The following ASAP2 variants were observed in gnomAD, a reference collection of about 807,000 sequenced individuals.
ASAP2 encodes ArfGAP with SH3 domain, ankyrin repeat and PH domain 2, also known as arf-GAP with SH3 domain, ANK repeat and PH domain-containing protein 2.
A neutral mutation model predicts 131.4 loss-of-function variants in ASAP2; 45 were observed. The observed-to-expected ratio is 0.34, with a 90% CI of 0.27 to 0.44. The LOEUF is 0.44. ASAP2 is among the 20% of genes least tolerant of loss of function. The pLI, the probability that ASAP2 is intolerant of heterozygous loss-of-function variation, is 1.00. For synonymous variants in ASAP2, 510 were observed against 503.0 expected (o/e 1.01, Z -0.19); for missense variants, 1,011 against 1,297.0 (o/e 0.78, Z 3.39).
At chr2:9,380,897 C>T (rs779377826) in intron 20 of ASAP2, 89 bp downstream of exon 20, 12 of 1,366,086 alleles carry the variant, frequency 8.8e-6, no homozygotes, top group Non-Finnish European at 1.1e-5. Context: ...TTGCTGTGAA[C>T]CAGTGTCCTG....
At chr2:9,384,842 G>A (rs939161447) in intron 20 of ASAP2, among the ~76,000 whole-genome samples, 2 of 152,242 alleles carry the variant, frequency 1.3e-5, no homozygotes, top group African/African-American at 4.8e-5. Flanking sequence ...GGTACAGGGT[G>A]AGACCCTCTC....
rs1449006726 is a variant in ASAP2, at chr2:9,281,690, G to A, written c.199+2301G>A. On this transcript the variant is annotated intron_variant, in intron 2 of 27. Transcript: ENST00000281419. This position sits in a 1 kb window ranked among gnomAD's most constrained non-coding sequence, Gnocchi z 4.0. Reference sequence around the variant, plus strand: ...TGGGCTTCAGAATTTTAGGGCAATTGGGATAAAGATGGTTCTCTTACCACA... The same window carrying A: ...TGGGCTTCAGAATTTTAGGGCAATTAGGATAAAGATGGTTCTCTTACCACA... Among the ~76,000 whole-genome samples the A allele has an allele frequency of 6.6e-6, 1 of 152,138 alleles. No homozygotes were observed. Among genetic ancestry groups the A allele is most frequent in the Admixed American group, 6.5e-5 (1 of 15,274 alleles).
intron 9 of ASAP2, among the ~76,000 whole-genome samples, chr2:9,340,665 G>A (rs181438366): frequency 7.0e-4 from 106 of 152,268 alleles, no homozygotes; most frequent in African/African-American, 2.3e-3. Context: ...ATGACTCCTC[G>A]ACAAGCTTGT....
At chr2:9,334,265 T>C (rs56023131) in intron 7 of ASAP2, among the ~76,000 whole-genome samples, 1 of 150,770 alleles carries the variant, frequency 6.6e-6, no homozygotes, top group Non-Finnish European at 1.5e-5. Context: ...GGCCAGCTGG[T>C]CTGGAACTCC....
At chr2:9,300,714 C>T (rs1048082125) in intron 3 of ASAP2, among the ~76,000 whole-genome samples, 1 of 152,170 alleles carries the variant, frequency 6.6e-6, no homozygotes, top group African/African-American at 2.4e-5. Context: ...CTTACAGGGC[C>T]CTTAGCTAGT....
chr2:9,210,832 A>T (rs1268851256), intron 1 of ASAP2, among the ~76,000 whole-genome samples: 1 of 149,620 alleles, frequency 6.7e-6, no homozygotes, highest in African/African-American at 2.4e-5. Flanking sequence ...AAGTGCTGGG[A>T]TTACAGGTGA....
At chr2:9,258,322 G>A (rs72773380) in intron 1 of ASAP2, among the ~76,000 whole-genome samples, 3,024 of 141,440 alleles carry the variant, frequency 0.021, 48 homozygotes, top group Non-Finnish European at 0.033. Flanking sequence ...AGTATTGATA[G>A]TAATCAGTAG....
At position 9,207,092 on chromosome 2, in the gene ASAP2, T is replaced by G; in HGVS notation, c.-13T>G. 6.4e-7 allele frequency: 1 copy of G among 1,567,154 alleles called. No individual in the cohort carries two copies. The highest frequency in any genetic ancestry group is 8.6e-7 in the Non-Finnish European group (1 of 1,157,508). On this transcript the variant is annotated 5_prime_UTR_variant, in exon 1 of 28. Coordinates refer to ENST00000281419, the MANE Select transcript of ASAP2 (RefSeq NM_003887.3). This position sits in a 1 kb window ranked among gnomAD's most constrained non-coding sequence, Gnocchi z 4.1. ...CCCCTGCGGCTGTGCGCCAGCGCCCTCGCGCCGAGGCGATGCCGGACCAGA... is the reference window on the plus strand; with the variant it reads ...CCCCTGCGGCTGTGCGCCAGCGCCCGCGCGCCGAGGCGATGCCGGACCAGA...
At chr2:9,329,457 C>A (rs148478884) in intron 7 of ASAP2, among the ~76,000 whole-genome samples, 1 of 152,064 alleles carries the variant, frequency 6.6e-6, no homozygotes, top group Non-Finnish European at 1.5e-5. Context: ...GTAGGAAACA[C>A]GAGCCAATAT....
intron 4 of ASAP2, among the ~76,000 whole-genome samples, chr2:9,319,219 G>A (rs969385349): frequency 3.3e-5 from 5 of 152,232 alleles, no homozygotes; most frequent in Non-Finnish European, 2.9e-5. Flanking sequence ...CTGCCCCTGC[G>A]CATCGCCAGC....
At chr2:9,331,840 G>A (rs1015618722) in intron 7 of ASAP2, among the ~76,000 whole-genome samples, 6 of 152,054 alleles carry the variant, frequency 3.9e-5, no homozygotes, top group African/African-American at 1.4e-4. Flanking sequence ...GCCAATACCT[G>A]CTGGAAACCA....
chr2:9,247,544 A>G (rs1664422097), intron 1 of ASAP2, among the ~76,000 whole-genome samples: 1 of 152,128 alleles, frequency 6.6e-6, no homozygotes, highest in South Asian at 2.1e-4. Flanking sequence ...AAGGGTTTTT[A>G]AGGCAGCCAT....
chr2:9,326,252 C>T (rs897935225), intron 6 of ASAP2, among the ~76,000 whole-genome samples: 2 of 152,144 alleles, frequency 1.3e-5, no homozygotes, highest in Non-Finnish European at 2.9e-5. Flanking sequence ...ACAAACATGA[C>T]TTTAAAATTA....
At chr2:9,293,300 G>A (rs192215847) in intron 2 of ASAP2, among the ~76,000 whole-genome samples, 2 of 152,272 alleles carry the variant, frequency 1.3e-5, no homozygotes, top group East Asian at 1.9e-4. Context: ...GAGAAGAAAC[G>A]AAGTCTTGTC....
intron 15 of ASAP2, among the ~76,000 whole-genome samples, chr2:9,367,005 T>C (rs182529776): frequency 3.0e-4 from 45 of 151,498 alleles, no homozygotes; most frequent in Non-Finnish European, 4.9e-4. Context: ...AAAGCATGTT[T>C]GTTAACTCCT....
At position 9,207,029 on chromosome 2, in the gene ASAP2, G is replaced by A. The variant is rs1572155264; in HGVS notation, c.-76G>A. 6.9e-6 allele frequency: 8 copies of A among 1,167,172 alleles called. No homozygotes were observed. In the South Asian group the frequency reaches 2.8e-4, roughly 41 times the overall value. The allele number at this position is 1,167,172 out of a possible 1,614,324, so 72.3% of individuals were successfully genotyped here. On this transcript the variant is annotated 5_prime_UTR_variant, in exon 1 of 28. Transcript: ENST00000281419. The surrounding 1 kb of genome is among the most constrained non-coding windows in gnomAD (Gnocchi z 4.1). Reference sequence around the variant, plus strand: ...GCGGCGGCAGCGGCGGTGTCCGAGCGGCGGTCGGAGCCTGCTGCGGCAGTT... The same window carrying A: ...GCGGCGGCAGCGGCGGTGTCCGAGCAGCGGTCGGAGCCTGCTGCGGCAGTT...
intron 1 of ASAP2, among the ~76,000 whole-genome samples, chr2:9,218,254 A>C (rs2147966738): frequency 6.6e-6 from 1 of 152,266 alleles, no homozygotes; most frequent in East Asian, 1.9e-4. Flanking sequence ...GTTGTTGATC[A>C]CCTGCAGTCC....
chr2:9,264,127 G>A (rs980593760), intron 1 of ASAP2, among the ~76,000 whole-genome samples: 1 of 151,180 alleles, frequency 6.6e-6, no homozygotes, highest in Admixed American at 6.6e-5. Flanking sequence ...TGGAAAGAGA[G>A]GTTGCAGTGA....
chr2:9,397,761 T>A (rs1676281369), intron 24 of ASAP2, among the ~76,000 whole-genome samples: 1 of 118,428 alleles, frequency 8.4e-6, no homozygotes, highest in African/African-American at 3.8e-5. Flanking sequence ...TTTTTTTTTT[T>A]TTTTTTTTTT....
Sources: allele counts gnomAD v4.1 joint callset (sites outside exome capture counted in the v4.1 genomes callset), GRCh38; gene constraint gnomAD v4.1.1; non-coding constraint Gnocchi (gnomAD v3.1); transcripts MANE v1.5; gene names NCBI Gene and HGNC (gene_info 2026-07-23, HGNC 2026-07-21).